Variants in GSTO2 observed in about 807,000 individuals in gnomAD.
The protein encoded by GSTO2 is glutathione S-transferase omega 2, also known as glutathione S-transferase omega-2.
GSTO2 carries 23 observed loss-of-function variants against 28.4 expected under a neutral mutation model. The observed-to-expected ratio is 0.81, with a 90% confidence interval of 0.58 to 1.15. The LOEUF (loss-of-function observed/expected upper bound fraction) is 1.15, where lower values mean the gene tolerates loss of function less well. Ranked by LOEUF, GSTO2 falls within the 50% of genes most tolerant of loss-of-function variation. GSTO2 has a pLI of 0.00. For synonymous variants in GSTO2, 109 were observed against 111.0 expected, an observed-to-expected ratio of 0.98 and a Z score of 0.11; for missense variants, 298 against 297.8, an observed-to-expected ratio of 1.00 and a Z score of 0.00.
chr10:104,282,179 C>G (rs978917417), intron 5 of GSTO2, among the ~76,000 whole-genome samples: 1 of 147,934 alleles, frequency 6.8e-6, no homozygotes, highest in African/African-American at 2.5e-5. Flanking sequence ...TGAGCCAAGA[C>G]TGCGCCACTG....
intron 5 of GSTO2, chr10:104,296,244 AT>A (rs2013015019): frequency 6.6e-6 from 1 of 152,036 alleles, no homozygotes; most frequent in Non-Finnish European, 1.5e-5. Context: ...GAGAAATTTT[AT>A]TTTAATGCAT....
intron 5 of GSTO2, chr10:104,295,486 C>T (rs1402978096): frequency 6.6e-6 from 1 of 152,230 alleles, no homozygotes; most frequent in Non-Finnish European, 1.5e-5. Flanking sequence ...GTGGGTGTCA[C>T]CTTCAGGGGC....
At chr10:104,281,546 GTTC>G (rs1453568003) in intron 5 of GSTO2, among the ~76,000 whole-genome samples, 2 of 152,336 alleles carry the variant, frequency 1.3e-5, no homozygotes, top group Middle Eastern at 3.4e-3. Context: ...TGGAGATACA[GTTC>G]TTCTTCAGTC....
At chr10:104,279,805 A>G (rs2011908746) in intron 5 of GSTO2, among the ~76,000 whole-genome samples, 1 of 152,136 alleles carries the variant, frequency 6.6e-6, no homozygotes, top group African/African-American at 2.4e-5. Flanking sequence ...GCTGAAGTCT[A>G]ACTACTGTAA....
chr10:104,296,419 T>C (rs1409670988), intron 5 of GSTO2: 1 of 151,606 alleles, frequency 6.6e-6, no homozygotes, highest in East Asian at 1.9e-4. Flanking sequence ...GCTCAGGAGT[T>C]TGAGACCCCT....
In GSTO2 at chr10:104,274,777, G is replaced by A; in HGVS notation, c.-139G>A. ...CAGATCGCTTCCCCGTGCCCCGCCA[G>A]AGCCCAGTAGTTCAAAAATTAAATT... is the stretch of plus-strand genomic sequence containing the variant. On this transcript the variant is annotated 5_prime_UTR_variant, in exon 2 of 7. Transcript: ENST00000338595. 1 of 1,038,508 alleles carries A rather than the reference G, an allele frequency of 9.6e-7. No individual in the cohort carries two copies. The highest frequency in any genetic ancestry group is 2.3e-5 in the Admixed American group (1 of 44,378). 64.3% of individuals were successfully genotyped at this position (1,038,508 alleles called of 1,614,324 possible).
At chr10:104,273,554 C>T (rs34265126) in intron 1 of GSTO2, among the ~76,000 whole-genome samples, 4,562 of 152,308 alleles carry the variant, frequency 0.03, 101 homozygotes, top group South Asian at 0.11. Flanking sequence ...AAAGGCCAAA[C>T]AGTACCCAGT....
intron 5 of GSTO2, among the ~76,000 whole-genome samples, chr10:104,293,755 T>A (rs1156693989): frequency 6.6e-6 from 1 of 151,894 alleles, no homozygotes; most frequent in Non-Finnish European, 1.5e-5. Flanking sequence ...GTATTGTTTG[T>A]AGAGACGGGG....
rs2135161724 is a variant in GSTO2, at chr10:104,304,342, G to A, written c.*5058G>A. 6.6e-6 allele frequency: 1 copy of A among 152,108 alleles called. No homozygotes were observed. Among genetic ancestry groups the A allele is most frequent in the Admixed American group, 6.5e-5 (1 of 15,288 alleles). 9.4% of individuals were successfully genotyped at this position (152,108 alleles called of 1,614,324 possible). ...TTCCTCTACATACTATTCTTCCTCA[G>A]AGCAGCCCTCTGTTTTTTTTTCCAA... On this transcript the variant is annotated 3_prime_UTR_variant, in exon 7 of 7. Transcript: ENST00000338595.
chr10:104,286,454 C>T (rs10437455), intron 5 of GSTO2, among the ~76,000 whole-genome samples: 9,365 of 152,190 alleles, frequency 0.062, 975 homozygotes, highest in African/African-American at 0.21. Context: ...TGTGTGAATA[C>T]GCACATTTTG....
At chr10:104,284,669 A>G (rs2012307047) in intron 5 of GSTO2, among the ~76,000 whole-genome samples, 1 of 152,172 alleles carries the variant, frequency 6.6e-6, no homozygotes, top group Non-Finnish European at 1.5e-5. Flanking sequence ...CCCATTTCAG[A>G]ATGGGACTTG....
chr10:104,297,329 A>C, intron 5 of GSTO2: 2 of 331,666 alleles, frequency 6.0e-6, no homozygotes, highest in African/African-American at 2.1e-5. Flanking sequence ...CAGTTTCTTC[A>C]ATCAGATGAG....
chr10:104,290,280 C>T (rs183495130), intron 5 of GSTO2, among the ~76,000 whole-genome samples: 12 of 152,220 alleles, frequency 7.9e-5, no homozygotes, highest in African/African-American at 2.2e-4. Flanking sequence ...CCAAGGCTAG[C>T]GGATCACTTA....
At chr10:104,270,256 G>A (rs1192021414) in intron 1 of GSTO2, among the ~76,000 whole-genome samples, 8 of 150,974 alleles carry the variant, frequency 5.3e-5, no homozygotes, top group Non-Finnish European at 1.0e-4. Flanking sequence ...CTCGTGATCC[G>A]CCCGCCTCAG....
At chr10:104,277,753 G>A (rs1166843746) in intron 3 of GSTO2, 141 bp from the exon 4 acceptor site, 3 of 617,302 alleles carry the variant, frequency 4.9e-6, no homozygotes, top group East Asian at 2.7e-5. Flanking sequence ...ATGATGTTAT[G>A]TATTTTATAC....
intron 5 of GSTO2, among the ~76,000 whole-genome samples, chr10:104,287,325 G>T (rs1272209951): frequency 1.3e-5 from 2 of 152,184 alleles, no homozygotes; most frequent in African/African-American, 4.8e-5. Context: ...CAAAATGTTG[G>T]CATTACAGGT....
intron 3 of GSTO2, among the ~76,000 whole-genome samples, chr10:104,275,967 TG>T (rs1554900761): frequency 3.3e-5 from 5 of 152,198 alleles, no homozygotes; most frequent in Non-Finnish European, 1.5e-5. Context: ...ACTTGAGAAA[TG>T]GGTACAGATG....
In GSTO2 at chr10:104,297,639, T is replaced by G. The variant is rs746677861; in HGVS notation, c.530T>G (p.Leu177Arg). The G allele has an allele frequency of 1.1e-5, 17 of 1,613,760 alleles. No individual in the cohort carries two copies. The highest frequency in any genetic ancestry group is 1.4e-5 in the Non-Finnish European group (17 of 1,179,790). The change falls in exon 6 of 7, where the codon CTC becomes CGC. Residue 177 changes from leucine to arginine, a missense_variant. Physicochemically the swap from Leu to Arg is moderately radical, Grantham distance 102 (BLOSUM62 -2). Transcript: ENST00000338595. Reference sequence around the variant, plus strand: ...ACCTGTATATCCATGATTGATTACCTCCTCTGGCCCTGGTTTGAGCGGCTG... The same window carrying G: ...ACCTGTATATCCATGATTGATTACCGCCTCTGGCCCTGGTTTGAGCGGCTG... The part of the protein sequence containing the change: ...GGTCISMIDY[L>R]LWPWFERLDV...
chr10:104,274,605 C>T (rs2011541121), intron 1 of GSTO2, 80 bp from the exon 2 acceptor site: 1 of 473,592 alleles, frequency 2.1e-6, no homozygotes, highest in African/African-American at 2.1e-5. Flanking sequence ...TAGAGGAGGC[C>T]CCTCCAAAGC....
Sources: gnomAD v4.1 joint callset for allele counts (sites outside exome capture counted in the v4.1 genomes callset) on GRCh38, gnomAD v4.1.1 for gene constraint, MANE v1.5 for transcripts, NCBI Gene and HGNC (gene_info 2026-07-23, HGNC 2026-07-21) for gene names.